Variants in SLX4IP observed in about 807,000 individuals in gnomAD.
SLX4IP encodes SLX4 interacting protein, also known as protein SLX4IP.
In SLX4IP, 34 loss-of-function variants were observed where a neutral mutation model predicts 32.9. The observed-to-expected ratio is 1.03, with a 90% CI of 0.79 to 1.38. The LOEUF is 1.38. SLX4IP is among the 40% of genes most tolerant of loss of function. The probability of loss-of-function intolerance (pLI) is 0.00; values close to 1 mark genes in which losing one functional copy is unlikely to be tolerated. For synonymous variants in SLX4IP, 172 were observed against 171.7 expected (o/e 1.00, Z -0.01); for missense variants, 444 against 479.0 (o/e 0.93, Z 0.68).
intron 1 of SLX4IP, among the ~76,000 whole-genome samples, chr20:10,436,899 C>T (rs1715988536): frequency 6.6e-6 from 1 of 151,072 alleles, no homozygotes; most frequent in Admixed American, 6.7e-5. Context: ...TAAGTCTTAG[C>T]ATCCAATTTA....
chr20:10,522,713 G>C (rs1420054036), intron 2 of SLX4IP, among the ~76,000 whole-genome samples: 1 of 152,102 alleles, frequency 6.6e-6, no homozygotes, highest in Non-Finnish European at 1.5e-5. Flanking sequence ...GCTGCTACTG[G>C]TCCTGTTTCT....
intron 2 of SLX4IP, among the ~76,000 whole-genome samples, chr20:10,501,376 T>C (rs2037205195): frequency 6.6e-6 from 1 of 152,176 alleles, no homozygotes; most frequent in African/African-American, 2.4e-5. Context: ...AAAAAGATGC[T>C]AATGAGTAGT....
chr20:10,506,683 G>T lies in SLX4IP; in HGVS notation c.27+48452G>T, dbSNP rs542625256. 3.3e-5 allele frequency among the ~76,000 whole-genome samples: 5 copies of T among 152,260 alleles called. No homozygotes were observed. The East Asian group carries it at 9.7e-4, about 29-fold the overall frequency. ...AAATGCACATTTTCTTCTCTTAGGG[G>T]TCTCACATTCTAGTACAGGAAACAG... On this transcript the variant is annotated intron_variant, in intron 2 of 7. Transcript: ENST00000334534.
Position 10,624,158 on chromosome 20 carries a change from G to A in SLX4IP, c.*779G>A, listed in dbSNP as rs1832757568. On this transcript the variant is annotated 3_prime_UTR_variant, in exon 8 of 8. Coordinates refer to ENST00000334534, the MANE Select transcript of SLX4IP (RefSeq NM_001009608.3). Reference sequence around the variant, plus strand: ...TGGCAGCCATGGCACCCATGAAGGTGTTACTTTCCCTTATAATTGTTGAAG... The same window carrying A: ...TGGCAGCCATGGCACCCATGAAGGTATTACTTTCCCTTATAATTGTTGAAG... 1 of 152,232 alleles carries A rather than the reference G, an allele frequency of 6.6e-6. No individual in the cohort carries two copies. Among genetic ancestry groups the A allele is most frequent in the Non-Finnish European group, 1.5e-5 (1 of 68,064 alleles). The allele number at this position is 152,232 out of a possible 1,614,324, so 9.4% of individuals were successfully genotyped here. A position where few individuals can be genotyped will look rare whatever the true frequency, so the allele number is the denominator to read the frequency against.
Position 10,540,096 on chromosome 20 carries a change from T to TTCCTTTCCTTTCCTTCC in SLX4IP, c.28-16134_28-16133insCCTTTCCTTTCCTTCCT, listed in dbSNP as rs1380282080. 3.6e-5 allele frequency among the ~76,000 whole-genome samples: 4 copies of TTCCTTTCCTTTCCTTCC among 111,812 alleles called. No homozygotes were observed. The South Asian group carries it at 1.3e-3, about 37-fold the overall frequency. 73.4% of individuals were successfully genotyped at this position (111,812 alleles called of 152,430 possible). ...TTCTTTCTTTTCTCTCCTTCCTTCC[T>TTCCTTTCCTTTCCTTCC]TTCCTTCCTTCCTTCCTTCCTTCCT... On this transcript the variant is annotated intron_variant, in intron 2 of 7. Transcript: ENST00000334534.
At chr20:10,562,994 T>A (rs1252825550) in intron 4 of SLX4IP, among the ~76,000 whole-genome samples, 1 of 152,202 alleles carries the variant, frequency 6.6e-6, no homozygotes, top group Admixed American at 6.5e-5. Context: ...TCCAAATTGT[T>A]CTCCATAATG....
intron 6 of SLX4IP, 53 bp from the exon 7 acceptor site, chr20:10,621,261 C>T: frequency 1.3e-6 from 2 of 1,511,524 alleles, no homozygotes; most frequent in South Asian, 2.3e-5. Context: ...ACTGTTTTCT[C>T]TCATGTTCAG....
intron 2 of SLX4IP, among the ~76,000 whole-genome samples, chr20:10,521,017 T>C (rs2065897472): frequency 6.6e-6 from 1 of 152,210 alleles, no homozygotes; most frequent in African/African-American, 2.4e-5. Flanking sequence ...TTTTGACACA[T>C]TTTTATAGAA....
chr20:10,470,072 G>T (rs1008991240), intron 2 of SLX4IP, among the ~76,000 whole-genome samples: 1 of 152,180 alleles, frequency 6.6e-6, no homozygotes, highest in African/African-American at 2.4e-5. Flanking sequence ...CGGAGAGTAA[G>T]GATCCTCTTT....
At chr20:10,580,268 T>C (rs931911428) in intron 4 of SLX4IP, among the ~76,000 whole-genome samples, 1 of 152,070 alleles carries the variant, frequency 6.6e-6, no homozygotes, top group African/African-American at 2.4e-5. Context: ...CATCTCTCTC[T>C]ATTATTCTAT....
intron 1 of SLX4IP, among the ~76,000 whole-genome samples, chr20:10,453,040 A>G (rs796470831): frequency 1.5e-4 from 23 of 152,192 alleles, no homozygotes; most frequent in African/African-American, 4.8e-4. Context: ...TTTAACCTCT[A>G]TGCCCTCACC....
intron 4 of SLX4IP, among the ~76,000 whole-genome samples, chr20:10,574,629 C>A (rs2122518294): frequency 6.6e-6 from 1 of 152,130 alleles, no homozygotes; most frequent in Non-Finnish European, 1.5e-5. Flanking sequence ...CTACCAAATA[C>A]CCCAGGACTC....
intron 2 of SLX4IP, among the ~76,000 whole-genome samples, chr20:10,479,728 G>A (rs113919165): frequency 0.12 from 17,912 of 151,750 alleles, 1,325 homozygotes; most frequent in Non-Finnish European, 0.17. Context: ...AACAGAGGCC[G>A]GGTGTGGTGG....
chr20:10,494,359 A>G (rs2065649749), intron 2 of SLX4IP, among the ~76,000 whole-genome samples: 1 of 150,104 alleles, frequency 6.7e-6, no homozygotes, highest in Non-Finnish European at 1.5e-5. Context: ...TATTATTTAT[A>G]TTACTGTTAT....
intron 6 of SLX4IP, among the ~76,000 whole-genome samples, chr20:10,606,533 C>T (rs546090299): frequency 1.3e-5 from 2 of 152,240 alleles, no homozygotes; most frequent in East Asian, 1.9e-4. Flanking sequence ...ACAAGAGATT[C>T]CTGTAGCACT....
intron 4 of SLX4IP, among the ~76,000 whole-genome samples, chr20:10,577,585 A>G (rs922277218): frequency 6.6e-6 from 1 of 152,190 alleles, no homozygotes; most frequent in African/African-American, 2.4e-5. Flanking sequence ...GTTGGGTGTG[A>G]CAGCACGTAC....
intron 2 of SLX4IP, among the ~76,000 whole-genome samples, chr20:10,549,741 C>T (rs969902599): frequency 1.3e-5 from 2 of 152,176 alleles, no homozygotes; most frequent in Non-Finnish European, 2.9e-5. Context: ...TCCTTATCTA[C>T]GAAATGCAAA....
In SLX4IP at chr20:10,601,793, C is replaced by CT. The variant is rs756061629; in HGVS notation, c.383dup (p.Leu128PhefsTer6). ...CAGTCAGCTTGCATTCAGTCGTGAT[C>CT]TTTTAGCAAGTCAGAATGAAGATTT... On this transcript the variant is annotated frameshift_variant, in exon 6 of 8. Coordinates refer to ENST00000334534, the MANE Select transcript of SLX4IP (RefSeq NM_001009608.3). LOFTEE classifies it high-confidence loss of function. 3 of 1,613,886 alleles carry CT rather than the reference C, an allele frequency of 1.9e-6. No homozygotes were observed. The highest frequency in any genetic ancestry group is 1.7e-6 in the Non-Finnish European group (2 of 1,179,878).
At chr20:10,611,071 C>T (rs545661200) in intron 6 of SLX4IP, among the ~76,000 whole-genome samples, 1 of 152,236 alleles carries the variant, frequency 6.6e-6, no homozygotes, top group South Asian at 2.1e-4. Flanking sequence ...CATGAGGTGT[C>T]CACTAAAGTA....
Sources: gnomAD v4.1 joint callset for allele counts (sites outside exome capture counted in the v4.1 genomes callset) on GRCh38, gnomAD v4.1.1 for gene constraint, MANE v1.5 for transcripts, NCBI Gene and HGNC (gene_info 2026-07-23, HGNC 2026-07-21) for gene names.